Variants in DMTN observed in about 807,000 individuals in gnomAD.
The protein encoded by DMTN is dematin actin binding protein, also known as dematin.
A neutral mutation model predicts 59.4 loss-of-function variants in DMTN; 27 were observed. That is an observed-to-expected ratio of 0.45 (90% confidence interval 0.33 to 0.63). The LOEUF (loss-of-function observed/expected upper bound fraction) is 0.63. Ranked by LOEUF, DMTN falls within the 20% of genes least tolerant of loss-of-function variation. The pLI is 0.02. For synonymous variants in DMTN, 221 were observed against 203.7 expected (o/e 1.08, Z -0.72); for missense variants, 451 against 528.9 (o/e 0.85, Z 1.45).
At chr8:22,067,468 G>C in intron 3 of DMTN, 59 bp from the exon 4 acceptor site, 1 of 1,599,038 alleles carries the variant, frequency 6.3e-7, no homozygotes, top group Non-Finnish European at 8.5e-7. Context: ...TAGCTAGCAG[G>C]GCCAGTGTCC....
rs762891978 is a variant in DMTN, at chr8:22,070,174, G to A, written c.452-8G>A. 25 of 1,576,194 alleles carry A rather than the reference G, an allele frequency of 1.6e-5. No homozygotes were observed. The highest frequency in any genetic ancestry group is 9.0e-5 in the East Asian group (4 of 44,540). On this transcript the variant is annotated splice_region_variant and splice_polypyrimidine_tract_variant and intron_variant, in intron 7 of 15. Coordinates refer to ENST00000358242, the MANE Select transcript of DMTN (RefSeq NM_001387751.1). ...GCACACCTGGCTGACCCTGGCCTTT[G>A]TCTGCAGAGTCCGTGGGAGGCAGCC...
chr8:22,065,396 T>C (rs1386598393), intron 1 of DMTN, among the ~76,000 whole-genome samples: 1 of 152,138 alleles, frequency 6.6e-6, no homozygotes, highest in Non-Finnish European at 1.5e-5. Context: ...CATTGGTCTG[T>C]TTTTAAGTAC....
rs771213149 is a variant in DMTN, at chr8:22,069,052, T to G, written c.286T>G (p.Ser96Ala). The part of the protein sequence containing the change: ...LSPKSTSPPP[S>A]PEVWADSRSP... ...ACCCAAATCCACATCCCCCCCACCA[T>G]CCCCAGAGGTGAGTCTGCCCCACAC... The change falls in exon 5 of 16, where the codon TCC (serine) becomes GCC (alanine). Residue 96 changes from serine (S) to alanine (A), a missense_variant. Transcript: ENST00000358242. 6.2e-7 allele frequency: 1 copy of G among 1,611,386 alleles called. No individual in the cohort carries two copies. The highest frequency in any genetic ancestry group is 8.5e-7 in the Non-Finnish European group (1 of 1,178,710).
Position 22,082,355 on chromosome 8 carries a change from C to T in DMTN, c.*892C>T, listed in dbSNP as rs201444317. On this transcript the variant is annotated 3_prime_UTR_variant, in exon 16 of 16. Transcript: ENST00000358242. ...TCACCTGCCCCTGCCCTACCTTACA[C>T]CCCCAGCTTGACTTCTTTCCAGTCC... 5 of 395,272 alleles carry T rather than the reference C, an allele frequency of 1.3e-5. No homozygotes were observed. The East Asian group carries it at 3.6e-4, about 28-fold the overall frequency. 24.5% of individuals were successfully genotyped at this position (395,272 alleles called of 1,614,324 possible). A position where few individuals can be genotyped will look rare whatever the true frequency, so the allele number is the denominator to read the frequency against.
upstream of DMTN, among the ~76,000 whole-genome samples, chr8:22,054,278 C>A (rs528981340): frequency 6.6e-5 from 10 of 152,186 alleles, no homozygotes; most frequent in Admixed American, 6.5e-4. Context: ...CCGCCCGCCC[C>A]ACCCATGGAG....
chr8:22,079,845 TTTTC>T (rs1198929526), intron 10 of DMTN, among the ~76,000 whole-genome samples: 1 of 152,184 alleles, frequency 6.6e-6, no homozygotes, highest in East Asian at 1.9e-4. Flanking sequence ...TCGATTTTAG[TTTTC>T]TTTGTGTATC....
rs377298744 is a variant in DMTN at position 22,058,965 on chromosome 8, C to A, written c.-172+1829C>A. On this transcript the variant is annotated intron_variant, in intron 1 of 15. Transcript: ENST00000358242. This position sits in a 1 kb window ranked among gnomAD's most constrained non-coding sequence, Gnocchi z 4.3. Reference sequence around the variant, plus strand: ...GGTGCCCTACCCCACCCACATCACACGCATGCACAGCACCCATGGGAGCGC... The same window carrying A: ...GGTGCCCTACCCCACCCACATCACAAGCATGCACAGCACCCATGGGAGCGC... Among the ~76,000 whole-genome samples, 4 of 152,156 alleles carry A rather than the reference C, an allele frequency of 2.6e-5. No homozygotes were observed. Among genetic ancestry groups the A allele is most frequent in the East Asian group, 3.9e-4 (2 of 5,186 alleles).
In DMTN at chr8:22,060,191, A is replaced by G. The variant is rs1050092556; in HGVS notation, c.-172+3055A>G. Among the ~76,000 whole-genome samples, 3 of 151,768 alleles carry G rather than the reference A, an allele frequency of 2.0e-5. No individual in the cohort carries two copies. The highest frequency in any genetic ancestry group is 7.3e-5 in the African/African-American group (3 of 41,336). ...CTTCCTGCTGCAGCTCGCCCTTTCT[A>G]TCTCTTTGTGCACGGAGGTCGCTGG... On this transcript the variant is annotated intron_variant, in intron 1 of 15. Coordinates refer to ENST00000358242, the MANE Select transcript of DMTN (RefSeq NM_001387751.1). The surrounding 1 kb of genome is among the most constrained non-coding windows in gnomAD (Gnocchi z 5.0).
chr8:22,058,693 G>A lies in DMTN; in HGVS notation c.-172+1557G>A, dbSNP rs75881489. The stretch of plus-strand genomic sequence containing the variant: ...GGCCTGGTCCTTTATCCGAGTATGA[G>A]AGGGTGCCCTGTAGTGCTGGGTTAG... On this transcript the variant is annotated intron_variant, in intron 1 of 15. Transcript: ENST00000358242. The surrounding 1 kb of genome is among the most constrained non-coding windows in gnomAD (Gnocchi z 4.3). Among the ~76,000 whole-genome samples the A allele has an allele frequency of 0.019, 2,882 of 152,202 alleles. 41 individuals carry two copies. The highest frequency in any genetic ancestry group is 0.08 in the East Asian group (411 of 5,158).
intron 2 of DMTN, 53 bp from the exon 3 acceptor site, chr8:22,067,032 C>G (rs1209112039): frequency 6.7e-5 from 101 of 1,510,214 alleles, no homozygotes; most frequent in Non-Finnish European, 9.0e-5. Flanking sequence ...CGCCCCCGCC[C>G]CGCTCCCGCA....
In DMTN at chr8:22,067,527, G is replaced by T; in HGVS notation, c.94G>T (p.Ala32Ser). The T allele has an allele frequency of 6.2e-7, 1 of 1,614,172 alleles. No individual in the cohort carries two copies. The change falls in exon 4 of 16, where the codon GCC (alanine) becomes TCC (serine). Residue 32 changes from alanine (A) to serine (S), a missense_variant and splice_region_variant. Physicochemically the swap from Ala to Ser is moderately conservative, Grantham distance 99 (BLOSUM62 1). Transcript: ENST00000358242. ...GTTTCACGCGCACCTTTCCCTTCAG[G>T]CCAAGATGGACAATCAGGTGCTGGG... Reference protein sequence around the residue: ...SVPGSPSSIVAKMDNQVLGYK... With the variant: ...SVPGSPSSIVSKMDNQVLGYK...
chr8:22,067,036 T>G, intron 2 of DMTN, 49 bp from the exon 3 acceptor site: 19 of 1,359,820 alleles, frequency 1.4e-5, no homozygotes, highest in Non-Finnish European at 1.8e-5. Flanking sequence ...CCCGCCCCGC[T>G]CCCGCACACA....
chr8:22,053,187 G>A (rs1212577282), upstream of DMTN, among the ~76,000 whole-genome samples: 1 of 152,184 alleles, frequency 6.6e-6, no homozygotes, highest in East Asian at 1.9e-4. Context: ...GTAGAGAAGT[G>A]GCAGGAAGTG....
chr8:22,070,026 G>T, intron 7 of DMTN, 89 bp downstream of exon 7: 1 of 1,577,152 alleles, frequency 6.3e-7, no homozygotes, highest in South Asian at 1.1e-5. Flanking sequence ...GGAGGGGGTC[G>T]GGAGGATAGC....
At chr8:22,069,998 T>G (rs559861749) in intron 7 of DMTN, 61 bp downstream of exon 7, 1 of 1,603,824 alleles carries the variant, frequency 6.2e-7, no homozygotes, top group African/African-American at 1.3e-5. Context: ...GGCCGTGCCC[T>G]GGGGCTGCGG....
chr8:22,060,407 T>A lies in DMTN; in HGVS notation c.-172+3271T>A, dbSNP rs1805465196. On this transcript the variant is annotated intron_variant, in intron 1 of 15. Coordinates refer to ENST00000358242, the MANE Select transcript of DMTN (RefSeq NM_001387751.1). This position sits in a 1 kb window ranked among gnomAD's most constrained non-coding sequence, Gnocchi z 5.0. ...AACTCTCTCTCTCTTTCTCTCTTTC[T>A]GTCTCGCTCTCTCTCTCTCTCTCTC... Among the ~76,000 whole-genome samples the A allele has an allele frequency of 7.0e-6, 1 of 143,860 alleles. No individual in the cohort carries two copies. The highest frequency in any genetic ancestry group is 2.7e-5 in the African/African-American group (1 of 37,620). 94.4% of individuals were successfully genotyped at this position (143,860 alleles called of 152,430 possible).
At position 22,070,321 on chromosome 8, in the gene DMTN, T is replaced by C. The variant is rs752754463; in HGVS notation, c.591T>C (p.Ser197=). The C allele has an allele frequency of 6.2e-6, 10 of 1,609,482 alleles. No homozygotes were observed. Among genetic ancestry groups the C allele is most frequent in the South Asian group, 1.1e-5 (1 of 90,294 alleles). The change falls in exon 8 of 16, where the codon TCT becomes TCC. Residue 197 remains serine, a synonymous_variant. Coordinates refer to ENST00000358242, the MANE Select transcript of DMTN (RefSeq NM_001387751.1). The part of the protein sequence containing the change: ...IETDYWPCPP[S]LAVVETEWRK... ...CCGACTACTGGCCATGCCCCCCGTC[T>C]CTGGCTGTTGTGGGTAGGAGAGATG...
At chr8:22,073,612 C>G (rs1320673891) in intron 9 of DMTN, 118 bp from the exon 10 acceptor site, 2 of 744,730 alleles carry the variant, frequency 2.7e-6, no homozygotes, top group Non-Finnish European at 4.1e-6. Context: ...GCCTGGGTGA[C>G]AGAGTGAGAC....
At chr8:22,055,870 T>C (rs1802333265), upstream of DMTN, among the ~76,000 whole-genome samples, 1 of 151,906 alleles carries the variant, frequency 6.6e-6, no homozygotes, top group African/African-American at 2.4e-5. Context: ...CCTCCCCAGA[T>C]TCTAGATTTC....
Sources: gnomAD v4.1 joint callset for allele counts (sites outside exome capture counted in the v4.1 genomes callset) on GRCh38, gnomAD v4.1.1 for gene constraint, Gnocchi (gnomAD v3.1) non-coding constraint, MANE v1.5 for transcripts, NCBI Gene and HGNC (gene_info 2026-07-23, HGNC 2026-07-21) for gene names.